The following KCTD8 variants were observed in gnomAD, a reference collection of about 807,000 sequenced individuals.
KCTD8 encodes the protein BTB/POZ domain-containing protein KCTD8.
A neutral mutation model predicts 31.5 loss-of-function variants in KCTD8; 27 were observed. The ratio of observed to expected loss-of-function variants is 0.86; its 90% CI spans 0.63 to 1.18. KCTD8 has a LOEUF of 1.18. KCTD8 is among the 50% of genes most tolerant of loss of function. The pLI is 0.00. For missense variants in KCTD8, 658 were observed against 647.7 expected, an observed-to-expected ratio of 1.02 and a Z score of -0.17; for synonymous variants, 290 against 280.0, an observed-to-expected ratio of 1.04 and a Z score of -0.36.
At chr4:44,354,354 A>G (rs1463153680) in intron 1 of KCTD8, among the ~76,000 whole-genome samples, 2 of 152,082 alleles carry the variant, frequency 1.3e-5, no homozygotes, top group Non-Finnish European at 2.9e-5. Context: ...CTTACTTTTC[A>G]CACCAGGGAA....
rs143055995 is a variant in KCTD8, at chr4:44,402,853, T to C, written c.961+44710A>G. On this transcript the variant is annotated intron_variant, in intron 1 of 1. Coordinates refer to ENST00000360029, the MANE Select transcript of KCTD8 (RefSeq NM_198353.3). ...TTAAGTAATTCCATTATGTGAGCCA[T>C]CCAGAGTACAAATGACTTCCAAGAA... is the stretch of plus-strand genomic sequence containing the variant. Among the ~76,000 whole-genome samples the C allele has an allele frequency of 2.5e-4, 38 of 152,296 alleles. No homozygotes were observed. The East Asian group carries it at 7.0e-3, about 28-fold the overall frequency.
chr4:44,301,994 T>C (rs1717638384), intron 1 of KCTD8, among the ~76,000 whole-genome samples: 1 of 152,198 alleles, frequency 6.6e-6, no homozygotes, highest in South Asian at 2.1e-4. Context: ...CCATTGCTTG[T>C]TTTGCTCAGC....
intron 1 of KCTD8, among the ~76,000 whole-genome samples, chr4:44,407,856 C>A (rs1434634859): frequency 6.6e-6 from 1 of 152,084 alleles, no homozygotes; most frequent in Non-Finnish European, 1.5e-5. Context: ...CCATTATAAT[C>A]GGAATAGTTT....
intron 1 of KCTD8, among the ~76,000 whole-genome samples, chr4:44,390,237 G>A (rs112181949): frequency 0.059 from 8,881 of 151,742 alleles, 860 homozygotes; most frequent in African/African-American, 0.2. Flanking sequence ...GGGTTTTTCC[G>A]ATGTTATCTT....
At chr4:44,318,130 T>C (rs910823358) in intron 1 of KCTD8, among the ~76,000 whole-genome samples, 2 of 152,240 alleles carry the variant, frequency 1.3e-5, no homozygotes, top group Non-Finnish European at 2.9e-5. Context: ...ATCAATACTA[T>C]GTAGTCTGCT....
At chr4:44,357,934 A>G (rs1226291361) in intron 1 of KCTD8, among the ~76,000 whole-genome samples, 1 of 151,964 alleles carries the variant, frequency 6.6e-6, no homozygotes, top group African/African-American at 2.4e-5. Context: ...GTTCTGGGAT[A>G]CAAGTGCAGA....
chr4:44,274,050 C>A (rs1271206616), intron 1 of KCTD8, among the ~76,000 whole-genome samples: 3 of 151,862 alleles, frequency 2.0e-5, no homozygotes, highest in Admixed American at 6.6e-5. Context: ...AAGATTATAA[C>A]CTCTCCCTGT....
chr4:44,207,700 T>G (rs1165157782), intron 1 of KCTD8, among the ~76,000 whole-genome samples: 2 of 152,190 alleles, frequency 1.3e-5, no homozygotes, highest in Non-Finnish European at 2.9e-5. Flanking sequence ...CTTAATTCTG[T>G]GGGCAGGGGG....
At chr4:44,207,836 AT>A (rs1714361704) in intron 1 of KCTD8, among the ~76,000 whole-genome samples, 2 of 152,332 alleles carry the variant, frequency 1.3e-5, no homozygotes, top group Non-Finnish European at 2.9e-5. Flanking sequence ...GCCTAAGATA[AT>A]GCTGGAAGAT....
At chr4:44,334,582 C>T (rs1204169154) in intron 1 of KCTD8, among the ~76,000 whole-genome samples, 1 of 151,868 alleles carries the variant, frequency 6.6e-6, no homozygotes, top group Non-Finnish European at 1.5e-5. Flanking sequence ...TGTATGAAAA[C>T]ATTTAAAAAT....
intron 1 of KCTD8, among the ~76,000 whole-genome samples, chr4:44,313,337 G>A (rs574194307): frequency 4.6e-5 from 7 of 152,152 alleles, no homozygotes; most frequent in Non-Finnish European, 1.0e-4. Context: ...ACAGCAGGTC[G>A]TAGTGAAGAT....
At chr4:44,310,622 T>A (rs1717921034) in intron 1 of KCTD8, among the ~76,000 whole-genome samples, 1 of 152,130 alleles carries the variant, frequency 6.6e-6, no homozygotes, top group African/African-American at 2.4e-5. Flanking sequence ...GCAGTCTTGG[T>A]AACATTAATT....
At chr4:44,215,501 A>G (rs1714622473) in intron 1 of KCTD8, among the ~76,000 whole-genome samples, 3 of 152,204 alleles carry the variant, frequency 2.0e-5, no homozygotes, top group Admixed American at 2.0e-4. Context: ...AGGGAAACTT[A>G]TCAGTTGTAA....
chr4:44,185,081 A>G (rs553153101), intron 1 of KCTD8, among the ~76,000 whole-genome samples: 109 of 152,374 alleles, frequency 7.2e-4, no homozygotes, highest in African/African-American at 2.0e-3. Flanking sequence ...AGTGAGACAT[A>G]TATTAGAAGA....
At chr4:44,200,194 G>A (rs1317012658) in intron 1 of KCTD8, among the ~76,000 whole-genome samples, 1 of 151,082 alleles carries the variant, frequency 6.6e-6, no homozygotes. Flanking sequence ...AAATGTCCTG[G>A]ACAAGATGTA....
At chr4:44,443,453 T>C (rs1303630256) in intron 1 of KCTD8, among the ~76,000 whole-genome samples, 1 of 152,222 alleles carries the variant, frequency 6.6e-6, no homozygotes, top group Admixed American at 6.5e-5. Flanking sequence ...TCAACTCAAC[T>C]AGTTTTCTTC....
At chr4:44,256,913 T>C (rs923592837) in intron 1 of KCTD8, among the ~76,000 whole-genome samples, 8 of 151,996 alleles carry the variant, frequency 5.3e-5, no homozygotes, top group African/African-American at 1.9e-4. Context: ...TTATTTGTTA[T>C]AGGAGCAATA....
chr4:44,324,054 A>C (rs573816534), intron 1 of KCTD8, among the ~76,000 whole-genome samples: 97 of 121,108 alleles, frequency 8.0e-4, no homozygotes, highest in Admixed American at 2.3e-3. Context: ...TAAAAAAAAA[A>C]AAACAAAACA....
intron 1 of KCTD8, among the ~76,000 whole-genome samples, chr4:44,391,118 G>A (rs1184177213): frequency 6.6e-6 from 1 of 151,902 alleles, no homozygotes; most frequent in East Asian, 1.9e-4. Context: ...ATAAGTGGGA[G>A]CTAAGCTATG....
Sources: allele counts gnomAD v4.1 joint callset (sites outside exome capture counted in the v4.1 genomes callset), GRCh38; gene constraint gnomAD v4.1.1; transcripts MANE v1.5; gene names NCBI Gene and HGNC (gene_info 2026-07-23, HGNC 2026-07-21).